KAZN: variants seen among roughly 807,000 people sequenced by gnomAD.
The protein encoded by KAZN is kazrin.
Under a neutral mutation model 87.4 loss-of-function variants are expected in KAZN, and 40 were observed. The ratio of observed to expected loss-of-function variants is 0.46; its 90% CI spans 0.36 to 0.60. The LOEUF is 0.60. KAZN is among the 20% of genes least tolerant of loss of function. The pLI is 0.00. For missense variants in KAZN, 898 were observed against 1,073.9 expected (o/e 0.84, Z 2.29); for synonymous variants, 466 against 458.3 (o/e 1.02, Z -0.22).
chr1:14,549,159 C>A (rs1673349247), intron 2 of KAZN, among the ~76,000 whole-genome samples: 1 of 152,154 alleles, frequency 6.6e-6, no homozygotes. Context: ...TTGAAGTTTT[C>A]TGTGTAGATA....
intron 1 of KAZN, among the ~76,000 whole-genome samples, chr1:14,060,558 C>T (rs1642755492): frequency 6.6e-6 from 1 of 152,100 alleles, no homozygotes; most frequent in Non-Finnish European, 1.5e-5. Context: ...AACAGTTTCC[C>T]TCTGAATTTC....
intron 1 of KAZN, among the ~76,000 whole-genome samples, chr1:14,052,923 A>G (rs570641346): frequency 1.3e-5 from 2 of 152,166 alleles, no homozygotes; most frequent in African/African-American, 4.8e-5. Context: ...CATGGGGTTG[A>G]TGTGGCAGAC....
chr1:14,372,095 A>G (rs75506023), intron 2 of KAZN, among the ~76,000 whole-genome samples: 7,492 of 152,352 alleles, frequency 0.049, 435 homozygotes, highest in East Asian at 0.22. Flanking sequence ...AAACAAGTTC[A>G]TAACAAGTAA....
chr1:14,591,178 C>A (rs531577422), intron 2 of KAZN, among the ~76,000 whole-genome samples: 273 of 152,116 alleles, frequency 1.8e-3, no homozygotes, highest in African/African-American at 6.2e-3. Flanking sequence ...AGTGCCCCCC[C>A]CCCATGGACA....
At chr1:14,060,427 G>T (rs1378104643) in intron 1 of KAZN, among the ~76,000 whole-genome samples, 1 of 151,638 alleles carries the variant, frequency 6.6e-6, no homozygotes, top group Non-Finnish European at 1.5e-5. Flanking sequence ...GAGCTGTGAG[G>T]CCAGATGTTC....
At chr1:14,251,515 G>A (rs1314652701) in intron 2 of KAZN, among the ~76,000 whole-genome samples, 1 of 152,042 alleles carries the variant, frequency 6.6e-6, no homozygotes, top group Non-Finnish European at 1.5e-5. Flanking sequence ...ATTCTGGGAG[G>A]GAGGAAAGAG....
rs112624042 is a variant in KAZN, at chr1:14,057,066, C to G, written c.92-123369C>G. 7.0e-3 allele frequency among the ~76,000 whole-genome samples: 1,032 copies of G among 147,448 alleles called. 11 individuals are homozygous for G. The highest frequency in any genetic ancestry group is 0.025 in the African/African-American group (986 of 38,790). ...CTCAAAAAAAAAAAAAAAAAAATCA[C>G]TTGCTTAAGCTAAAGCTAGTTGCAG... On this transcript the variant is annotated intron_variant, in intron 1 of 16. Coordinates refer to the KAZN transcript ENST00000636203.
Position 14,599,142 on chromosome 1 carries a change from G to A in KAZN, c.145G>A (p.Gly49Ser). ...ELSGGGGPGP[G>S]PGAAASASAA... is the part of the protein sequence containing the mutation. ...GAGCGGCGGCGGCGGCCCCGGCCCG[G>A]GCCCGGGAGCCGCGGCCAGCGCCTC... is the stretch of plus-strand genomic sequence containing the variant. The change falls in exon 1 of 15, where the codon GGC becomes AGC. Residue 49 changes from glycine (G) to serine (S), a missense_variant. Gly to Ser is a moderately conservative substitution (Grantham distance 56). Transcript: ENST00000376030. This position sits in a 1 kb window ranked among gnomAD's most constrained non-coding sequence, Gnocchi z 4.4. 1 of 1,448,718 alleles carries A rather than the reference G, an allele frequency of 6.9e-7. No individual in the cohort carries two copies. The highest frequency in any genetic ancestry group is 9.0e-7 in the Non-Finnish European group (1 of 1,105,990). The allele number at this position is 1,448,718 out of a possible 1,614,324, so 89.7% of individuals were successfully genotyped here. A position where few individuals can be genotyped will look rare whatever the true frequency, so the allele number is the denominator to read the frequency against.
intron 1 of KAZN, among the ~76,000 whole-genome samples, chr1:14,823,408 A>G (rs1428510342): frequency 5.3e-5 from 8 of 152,048 alleles, no homozygotes; most frequent in Admixed American, 5.2e-4. Flanking sequence ...CTTGGAGAAT[A>G]TGGAGATTGA....
intron 2 of KAZN, among the ~76,000 whole-genome samples, chr1:14,554,534 C>A (rs142173829): frequency 6.6e-6 from 1 of 152,190 alleles, no homozygotes; most frequent in Non-Finnish European, 1.5e-5. Flanking sequence ...ACCCTACATA[C>A]GCGTCCCCTT....
At chr1:14,419,019 T>G (rs1032891578) in intron 2 of KAZN, among the ~76,000 whole-genome samples, 1 of 152,202 alleles carries the variant, frequency 6.6e-6, no homozygotes, top group African/African-American at 2.4e-5. Flanking sequence ...CAACGAGTGT[T>G]CAATAAGCAC....
At chr1:13,977,993 C>T (rs763533780) in intron 1 of KAZN, among the ~76,000 whole-genome samples, 96 of 151,964 alleles carry the variant, frequency 6.3e-4, no homozygotes, top group South Asian at 8.3e-4. Context: ...CCAGGCCTGG[C>T]GGTGTGCGCC....
At chr1:14,881,551 T>C (rs1653338730) in intron 1 of KAZN, among the ~76,000 whole-genome samples, 1 of 152,226 alleles carries the variant, frequency 6.6e-6, no homozygotes, top group Admixed American at 6.5e-5. Flanking sequence ...ACTGATTATG[T>C]GCTAGGCACT....
intron 3 of KAZN, among the ~76,000 whole-genome samples, chr1:15,035,852 C>T (rs749644002): frequency 2.0e-5 from 3 of 152,072 alleles, no homozygotes; most frequent in Admixed American, 6.6e-5. Context: ...TTCTGCCCTG[C>T]GTAGGCACCT....
chr1:14,981,393 G>A (rs1333733745), intron 2 of KAZN, among the ~76,000 whole-genome samples: 1 of 152,240 alleles, frequency 6.6e-6, no homozygotes, highest in Non-Finnish European at 1.5e-5. Context: ...GGTATTAACA[G>A]AACTCCCACT....
At chr1:14,152,977 T>C (rs975587552) in intron 1 of KAZN, among the ~76,000 whole-genome samples, 2 of 152,218 alleles carry the variant, frequency 1.3e-5, no homozygotes, top group Non-Finnish European at 2.9e-5. Context: ...CTGTTTGCCA[T>C]TGGTAAGTTT....
intron 2 of KAZN, among the ~76,000 whole-genome samples, chr1:14,299,030 C>T (rs1171199581): frequency 2.6e-5 from 4 of 152,078 alleles, no homozygotes; most frequent in Non-Finnish European, 2.9e-5. Flanking sequence ...GTTAATGCAA[C>T]CAGAATAGTT....
intron 8 of KAZN, among the ~76,000 whole-genome samples, chr1:15,072,549 T>A (rs887025202): frequency 1.3e-5 from 2 of 152,240 alleles, no homozygotes; most frequent in Non-Finnish European, 2.9e-5. Context: ...CAGCCTGGTC[T>A]GGAAGTCAGG....
In KAZN at chr1:14,882,525, T is replaced by C. The variant is rs138900174; in HGVS notation, c.227-78159T>C. 1.9e-3 allele frequency among the ~76,000 whole-genome samples: 288 copies of C among 152,210 alleles called. 2 individuals carry two copies. Among genetic ancestry groups the C allele is most frequent in the African/African-American group, 6.3e-3 (261 of 41,536 alleles). ...TGCTCGAGGTCAGGCATATGGTTGG[T>C]TTTGATAAAGGAGGGCTTCTGTTAT... is the stretch of plus-strand genomic sequence containing the variant. On this transcript the variant is annotated intron_variant, in intron 1 of 14. Coordinates refer to ENST00000376030, the MANE Select transcript of KAZN (RefSeq NM_201628.3).
Sources: allele counts gnomAD v4.1 joint callset (sites outside exome capture counted in the v4.1 genomes callset), GRCh38; gene constraint gnomAD v4.1.1; non-coding constraint Gnocchi (gnomAD v3.1); transcripts MANE v1.5; gene names NCBI Gene and HGNC (gene_info 2026-07-23, HGNC 2026-07-21).